The following MSI2 variants were observed in gnomAD, a reference collection of about 807,000 sequenced individuals.
The protein encoded by MSI2 is RNA-binding protein Musashi homolog 2.
Under a neutral mutation model 45.6 loss-of-function variants are expected in MSI2, and 17 were observed. The ratio of observed to expected loss-of-function variants is 0.37; its 90% confidence interval spans 0.26 to 0.56. MSI2 has a LOEUF of 0.56. MSI2 is among the 20% of genes least tolerant of loss of function. The pLI is 0.77. For missense variants in MSI2, 293 were observed against 444.2 expected (o/e 0.66, Z 3.06); for synonymous variants, 156 against 158.2 (o/e 0.99, Z 0.11).
chr17:57,378,337 C>G (rs927082749), intron 5 of MSI2, among the ~76,000 whole-genome samples: 11 of 151,928 alleles, frequency 7.2e-5, no homozygotes, highest in Admixed American at 7.2e-4. Flanking sequence ...AATCTCGGCT[C>G]ACTGCAACCT....
intron 8 of MSI2, among the ~76,000 whole-genome samples, chr17:57,607,650 G>A (rs1247643936): frequency 3.9e-5 from 6 of 152,198 alleles, no homozygotes; most frequent in Admixed American, 2.0e-4. Context: ...GTGTTAGGCC[G>A]TTCTCGCGTT....
chr17:57,458,552 T>C (rs2085161266), intron 6 of MSI2, among the ~76,000 whole-genome samples: 1 of 152,204 alleles, frequency 6.6e-6, no homozygotes, highest in African/African-American at 2.4e-5. Flanking sequence ...GACAGCCTCA[T>C]TGCTGATATC....
At chr17:57,549,242 G>C (rs1334690447) in intron 7 of MSI2, among the ~76,000 whole-genome samples, 3 of 150,528 alleles carry the variant, frequency 2.0e-5, no homozygotes. Context: ...GACTTGGCCA[G>C]TTATGTGGGC....
At chr17:57,667,674 A>G (rs1024667225) in intron 11 of MSI2, among the ~76,000 whole-genome samples, 5 of 152,304 alleles carry the variant, frequency 3.3e-5, no homozygotes, top group African/African-American at 1.2e-4. Context: ...CCTCGGCTCC[A>G]GAAAGTTCTT....
At chr17:57,331,336 G>A (rs1161405637) in intron 5 of MSI2, among the ~76,000 whole-genome samples, 1 of 152,154 alleles carries the variant, frequency 6.6e-6, no homozygotes, top group African/African-American at 2.4e-5. Flanking sequence ...GGAACCCAAC[G>A]CAGACCTCTT....
intron 7 of MSI2, among the ~76,000 whole-genome samples, chr17:57,541,973 C>T (rs1002242215): frequency 2.6e-5 from 4 of 152,116 alleles, no homozygotes; most frequent in East Asian, 1.9e-4. Flanking sequence ...AATGTGCGTA[C>T]GCAATGCTGA....
chr17:57,403,509 G>A (rs2084029568), intron 6 of MSI2, among the ~76,000 whole-genome samples: 1 of 152,180 alleles, frequency 6.6e-6, no homozygotes, highest in Non-Finnish European at 1.5e-5. Flanking sequence ...AGTTAATTTT[G>A]CAGTAATGTT....
chr17:57,634,001 C>G (rs542753562), intron 10 of MSI2, among the ~76,000 whole-genome samples: 1 of 152,346 alleles, frequency 6.6e-6, no homozygotes, highest in South Asian at 2.1e-4. Context: ...TTTCTCTTCC[C>G]TCCTTCCCTC....
At chr17:57,319,131 CTG>C (rs962326836) in intron 5 of MSI2, among the ~76,000 whole-genome samples, 1 of 152,226 alleles carries the variant, frequency 6.6e-6, no homozygotes, top group African/African-American at 2.4e-5. Flanking sequence ...CCTTCTGACT[CTG>C]GGCGGGCTGA....
intron 6 of MSI2, among the ~76,000 whole-genome samples, chr17:57,501,133 G>A (rs111782497): frequency 0.013 from 1,994 of 152,140 alleles, 34 homozygotes; most frequent in African/African-American, 0.043. Context: ...TTGTTCTGTC[G>A]CTCACCCAAG....
At chr17:57,486,249 G>A (rs1365547684) in intron 6 of MSI2, among the ~76,000 whole-genome samples, 1 of 152,212 alleles carries the variant, frequency 6.6e-6, no homozygotes, top group Non-Finnish European at 1.5e-5. Flanking sequence ...AGGTTCATAA[G>A]CGTTTGTCTG....
chr17:57,441,694 T>G (rs1197146421), intron 6 of MSI2, among the ~76,000 whole-genome samples: 1 of 152,186 alleles, frequency 6.6e-6, no homozygotes, highest in Non-Finnish European at 1.5e-5. Context: ...TTCTGTGCTT[T>G]CTTTCTTCCT....
At chr17:57,597,086 G>T (rs1428210740) in intron 8 of MSI2, 136 bp downstream of exon 8, 3 of 632,018 alleles carry the variant, frequency 4.7e-6, no homozygotes, top group Non-Finnish European at 2.8e-6. Context: ...CGGGGTCCAG[G>T]CCTGTGAACA....
chr17:57,289,996 AAAG>A (rs1279800445), intron 5 of MSI2, among the ~76,000 whole-genome samples: 1 of 152,214 alleles, frequency 6.6e-6, no homozygotes, highest in African/African-American at 2.4e-5. Context: ...GCTTAGAACC[AAAG>A]AAGGTGGTTG....
chr17:57,651,713 G>A (rs1236074037), intron 10 of MSI2, among the ~76,000 whole-genome samples: 1 of 152,204 alleles, frequency 6.6e-6, no homozygotes, highest in Non-Finnish European at 1.5e-5. Flanking sequence ...TCTCTGCCAG[G>A]AGCAGTGGGC....
chr17:57,472,690 T>C (rs1304069007), intron 6 of MSI2, among the ~76,000 whole-genome samples: 1 of 152,186 alleles, frequency 6.6e-6, no homozygotes, highest in Non-Finnish European at 1.5e-5. Flanking sequence ...TAGCTGTTGT[T>C]ATTGCGTTGC....
chr17:57,341,372 G>T (rs792402), intron 5 of MSI2, among the ~76,000 whole-genome samples: 23,927 of 152,246 alleles, frequency 0.16, 1,996 homozygotes, highest in African/African-American at 0.19. Context: ...TTTAGAAGAT[G>T]GAAGTGAGTT....
At position 57,458,779 on chromosome 17, in the gene MSI2, AAGGTGGGATAC is replaced by A. The variant is rs1200546081; in HGVS notation, c.405+57317_405+57327del. ...CCATGTCTTGAACCAGGCTTTGTTC[AAGGTGGGATAC>A]AGGTGGGACACAGGCTTGGTTCACA... On this transcript the variant is annotated intron_variant, in intron 6 of 13. Transcript: ENST00000284073. Among the ~76,000 whole-genome samples the A allele has an allele frequency of 3.9e-5, 6 of 152,314 alleles. No homozygotes were observed. The East Asian group carries it at 9.7e-4, about 25-fold the overall frequency.
At chr17:57,539,982 G>A (rs1051714860) in intron 7 of MSI2, among the ~76,000 whole-genome samples, 3 of 152,172 alleles carry the variant, frequency 2.0e-5, no homozygotes, top group Admixed American at 6.5e-5. Flanking sequence ...GGCAACACCC[G>A]GTTAATGATG....
Sources: allele counts gnomAD v4.1 joint callset (sites outside exome capture counted in the v4.1 genomes callset), GRCh38; gene constraint gnomAD v4.1.1; transcripts MANE v1.5; gene names NCBI Gene and HGNC (gene_info 2026-07-23, HGNC 2026-07-21).